Variants in CAMTA1 observed in about 807,000 individuals in gnomAD.
The protein encoded by CAMTA1 is calmodulin binding transcription activator 1, also known as calmodulin-binding transcription activator 1.
In CAMTA1, 27 loss-of-function variants were observed where a neutral mutation model predicts 170.9. That is an observed-to-expected ratio of 0.16 (90% CI 0.12 to 0.22). The LOEUF is 0.22. CAMTA1 is among the 10% of genes least tolerant of loss of function. CAMTA1 has a pLI of 1.00. For missense variants in CAMTA1, 1,619 were observed against 2,217.2 expected (o/e 0.73, Z 5.42); for synonymous variants, 833 against 891.5 (o/e 0.93, Z 1.17).
chr1:7,640,321 A>C (rs1576541896), intron 6 of CAMTA1, 79 bp from the exon 7 acceptor site: 1 of 1,524,762 alleles, frequency 6.6e-7, no homozygotes, highest in Admixed American at 1.7e-5. Context: ...CTCTGCCTGC[A>C]CCTGCGGGGT....
intron 5 of CAMTA1, among the ~76,000 whole-genome samples, chr1:7,423,339 G>A (rs2091688822): frequency 6.6e-6 from 1 of 152,044 alleles, no homozygotes. Context: ...GCTTGGTGGT[G>A]GGTGCCTGTA....
At chr1:7,427,920 C>G (rs1159785421) in intron 5 of CAMTA1, among the ~76,000 whole-genome samples, 1 of 152,116 alleles carries the variant, frequency 6.6e-6, no homozygotes, top group East Asian at 1.9e-4. Context: ...CCTTTCCTTT[C>G]TAGGGTACCC....
At chr1:7,020,726 G>C (rs149836508) in intron 3 of CAMTA1, among the ~76,000 whole-genome samples, 1 of 152,198 alleles carries the variant, frequency 6.6e-6, no homozygotes, top group Admixed American at 6.5e-5. Flanking sequence ...TGCGATATGG[G>C]GCAAGATGAT....
At chr1:7,380,097 T>C (rs1023230297) in intron 5 of CAMTA1, among the ~76,000 whole-genome samples, 6 of 152,266 alleles carry the variant, frequency 3.9e-5, no homozygotes, top group African/African-American at 1.4e-4. Context: ...AAATTGTGCA[T>C]TCAACTCTTA....
At chr1:7,575,963 G>A (rs964891030) in intron 6 of CAMTA1, among the ~76,000 whole-genome samples, 1 of 152,158 alleles carries the variant, frequency 6.6e-6, no homozygotes, top group Middle Eastern at 3.2e-3. Flanking sequence ...GGAGCAAGGA[G>A]GCGGGCCTGA....
At chr1:6,822,895 A>C (rs948083011) in intron 2 of CAMTA1, among the ~76,000 whole-genome samples, 1 of 152,144 alleles carries the variant, frequency 6.6e-6, no homozygotes. Context: ...CTAAAAGAAC[A>C]GAAAATTAAC....
intron 5 of CAMTA1, among the ~76,000 whole-genome samples, chr1:7,398,156 T>TCTCC (rs1471298118): frequency 8.4e-5 from 2 of 23,680 alleles, no homozygotes; most frequent in Admixed American, 1.4e-3. Context: ...ATAATATTGC[T>TCTCC]CTCTCTCTCT....
At chr1:7,417,817 G>A (rs2091294278) in intron 5 of CAMTA1, among the ~76,000 whole-genome samples, 1 of 152,174 alleles carries the variant, frequency 6.6e-6, no homozygotes, top group Middle Eastern at 3.2e-3. Context: ...CTAGTGAGAT[G>A]AGCCTGGTAC....
chr1:7,103,398 TAC>T (rs996484292), intron 4 of CAMTA1, among the ~76,000 whole-genome samples: 21 of 116,566 alleles, frequency 1.8e-4, no homozygotes, highest in African/African-American at 6.8e-4. Flanking sequence ...TACACACAAC[TAC>T]ACACGCACAC....
intron 5 of CAMTA1, among the ~76,000 whole-genome samples, chr1:7,376,248 C>T (rs2086833943): frequency 6.6e-6 from 1 of 152,240 alleles, no homozygotes; most frequent in African/African-American, 2.4e-5. Flanking sequence ...TCTGCCAACT[C>T]GAAGGGCCTG....
At chr1:7,367,085 C>T (rs1447380818) in intron 5 of CAMTA1, among the ~76,000 whole-genome samples, 2 of 152,150 alleles carry the variant, frequency 1.3e-5, no homozygotes, top group African/African-American at 4.8e-5. Flanking sequence ...TGGAGATCAT[C>T]AACAAATTCT....
At chr1:7,528,028 C>G (rs1048985129) in intron 6 of CAMTA1, among the ~76,000 whole-genome samples, 1 of 152,120 alleles carries the variant, frequency 6.6e-6, no homozygotes, top group Non-Finnish European at 1.5e-5. Flanking sequence ...TTAGGAAGCC[C>G]GTGACCACTG....
At chr1:7,276,303 A>ATTTTTTTTTTT (rs1180773965) in intron 5 of CAMTA1, among the ~76,000 whole-genome samples, 17 of 24,226 alleles carry the variant, frequency 7.0e-4, no homozygotes, top group Non-Finnish European at 8.5e-4. Flanking sequence ...ATATATATAT[A>ATTTTTTTTTTT]TTTTTTTTTT....
chr1:7,376,741 C>A (rs959776446), intron 5 of CAMTA1, among the ~76,000 whole-genome samples: 1 of 152,138 alleles, frequency 6.6e-6, no homozygotes, highest in East Asian at 1.9e-4. Context: ...TGGCTCTGTC[C>A]GACGTCTTCC....
rs1484809777 is a variant in CAMTA1, at chr1:7,456,437, T to A, written c.439-11393T>A. On this transcript the variant is annotated intron_variant, in intron 5 of 22. Coordinates refer to ENST00000303635, the MANE Select transcript of CAMTA1 (RefSeq NM_015215.4). The surrounding 1 kb of genome is among the most constrained non-coding windows in gnomAD (Gnocchi z 4.9). ...AAGAGAGGGAATTTCACTTTATTTA[T>A]ATATTATTTATGCCCAGTACTTTTA... is the stretch of plus-strand genomic sequence containing the variant. Among the ~76,000 whole-genome samples, 1 of 152,220 alleles carries A rather than the reference T, an allele frequency of 6.6e-6. No homozygotes were observed. Among genetic ancestry groups the A allele is most frequent in the Non-Finnish European group, 1.5e-5 (1 of 68,042 alleles).
At chr1:7,191,361 C>T (rs544145613) in intron 4 of CAMTA1, among the ~76,000 whole-genome samples, 1 of 152,340 alleles carries the variant, frequency 6.6e-6, no homozygotes, top group East Asian at 1.9e-4. Context: ...ATGCACCATG[C>T]ATGAATTGCT....
At chr1:7,710,017 G>T (rs765772009) in intron 11 of CAMTA1, among the ~76,000 whole-genome samples, 6 of 152,170 alleles carry the variant, frequency 3.9e-5, no homozygotes, top group Non-Finnish European at 7.3e-5. Flanking sequence ...CAGCTATTCT[G>T]CTGTGATTCT....
chr1:7,237,512 T>C (rs2149242763), intron 4 of CAMTA1, among the ~76,000 whole-genome samples: 1 of 152,302 alleles, frequency 6.6e-6, no homozygotes, highest in African/African-American at 2.4e-5. Flanking sequence ...TTTGGATGCA[T>C]TGATTTCTAA....
intron 3 of CAMTA1, among the ~76,000 whole-genome samples, chr1:7,071,564 A>G (rs78203662): frequency 0.033 from 5,026 of 152,318 alleles, 281 homozygotes; most frequent in African/African-American, 0.11. Flanking sequence ...AGAGCTGTTG[A>G]TGAATATTGC....
Sources: allele counts gnomAD v4.1 joint callset (sites outside exome capture counted in the v4.1 genomes callset), GRCh38; gene constraint gnomAD v4.1.1; non-coding constraint Gnocchi (gnomAD v3.1); transcripts MANE v1.5; gene names NCBI Gene and HGNC (gene_info 2026-07-23, HGNC 2026-07-21).